UBASH3B: variants seen among roughly 807,000 people sequenced by gnomAD.
The protein encoded by UBASH3B is ubiquitin associated and SH3 domain containing B.
In UBASH3B, 37 loss-of-function variants were observed where a neutral mutation model predicts 83.4. The observed-to-expected ratio is 0.44, with a 90% CI of 0.34 to 0.58. The LOEUF (loss-of-function observed/expected upper bound fraction) is 0.58, where lower values mean the gene tolerates loss of function less well. Ranked by LOEUF, UBASH3B falls within the 20% of genes least tolerant of loss-of-function variation. The probability of loss-of-function intolerance (pLI) is 0.01; values close to 1 mark genes in which losing one functional copy is unlikely to be tolerated. For missense variants in UBASH3B, 657 were observed against 827.2 expected, an observed-to-expected ratio of 0.79 and a Z score of 2.52; for synonymous variants, 304 against 318.3, an observed-to-expected ratio of 0.96 and a Z score of 0.48.
At chr11:122,677,609 A>G (rs1164930823) in intron 1 of UBASH3B, among the ~76,000 whole-genome samples, 4 of 152,292 alleles carry the variant, frequency 2.6e-5, no homozygotes, top group Middle Eastern at 3.4e-3. Flanking sequence ...AGCCCTTTGC[A>G]TGGTGCCTGG....
intron 1 of UBASH3B, among the ~76,000 whole-genome samples, chr11:122,656,979 C>T (rs1863373075): frequency 6.6e-6 from 1 of 152,114 alleles, no homozygotes; most frequent in African/African-American, 2.4e-5. Flanking sequence ...TGGGGAGAGG[C>T]CTGTTTGCCA....
chr11:122,721,733 C>T (rs1274733578), intron 1 of UBASH3B, among the ~76,000 whole-genome samples: 1 of 152,184 alleles, frequency 6.6e-6, no homozygotes, highest in South Asian at 2.1e-4. Context: ...TCCTTTTTAC[C>T]CTAGTGAGGT....
rs180732726 is a variant in UBASH3B, at chr11:122,762,072, G to A, written c.162-14147G>A. Among the ~76,000 whole-genome samples the A allele has an allele frequency of 5.0e-3, 761 of 152,070 alleles. 4 individuals are homozygous for A. Among genetic ancestry groups the A allele is most frequent in the Middle Eastern group, 0.01 (3 of 294 alleles). ...CTCCCAAAGTGTTGGGATTACAGGC[G>A]TGAGCCACCGCGCCTGGCCGGTTTT... is the stretch of plus-strand genomic sequence containing the variant. On this transcript the variant is annotated intron_variant, in intron 1 of 13. Coordinates refer to ENST00000284273, the MANE Select transcript of UBASH3B (RefSeq NM_032873.5).
intron 1 of UBASH3B, among the ~76,000 whole-genome samples, chr11:122,738,209 T>A (rs1489453783): frequency 6.6e-6 from 1 of 152,208 alleles, no homozygotes; most frequent in Non-Finnish European, 1.5e-5. Flanking sequence ...GCCTCATCCA[T>A]AAGTTGGAAC....
chr11:122,743,594 C>T (rs1410917464), intron 1 of UBASH3B, among the ~76,000 whole-genome samples: 1 of 152,118 alleles, frequency 6.6e-6, no homozygotes, highest in Non-Finnish European at 1.5e-5. Flanking sequence ...CTATTAGCCT[C>T]ATGAAGCTGT....
intron 1 of UBASH3B, among the ~76,000 whole-genome samples, chr11:122,751,942 A>G (rs1410223199): frequency 1.3e-5 from 2 of 152,226 alleles, no homozygotes; most frequent in Non-Finnish European, 2.9e-5. Context: ...AAGAGCCACA[A>G]GTAACTAAAA....
chr11:122,756,668 G>C (rs1257172937), intron 1 of UBASH3B, among the ~76,000 whole-genome samples: 1 of 152,178 alleles, frequency 6.6e-6, no homozygotes, highest in East Asian at 1.9e-4. Context: ...CCTCAGGCAA[G>C]GAGGGCTAAG....
chr11:122,763,786 A>T (rs1565556006), intron 1 of UBASH3B, among the ~76,000 whole-genome samples: 1 of 152,118 alleles, frequency 6.6e-6, no homozygotes, highest in East Asian at 1.9e-4. Context: ...CATTAGTTTC[A>T]TTTCCTCTAA....
chr11:122,771,117 G>C (rs1429447639), intron 1 of UBASH3B, among the ~76,000 whole-genome samples: 2 of 152,184 alleles, frequency 1.3e-5, no homozygotes, highest in East Asian at 3.8e-4. Context: ...TACCAAGCTT[G>C]GATTTTCCTG....
chr11:122,662,210 C>T (rs552481661), intron 1 of UBASH3B, among the ~76,000 whole-genome samples: 50 of 151,586 alleles, frequency 3.3e-4, no homozygotes, highest in East Asian at 5.9e-4. Context: ...CCCGGCCAGC[C>T]GATGTGCTTT....
chr11:122,688,982 G>GA, intron 1 of UBASH3B, among the ~76,000 whole-genome samples: 1 of 14,552 alleles, frequency 6.9e-5, no homozygotes, highest in African/African-American at 1.0e-4. Context: ...GGGAGGCGGG[G>GA]GGGGGGGGGG....
At chr11:122,799,418 C>T (rs916504918) in intron 10 of UBASH3B, among the ~76,000 whole-genome samples, 1 of 148,808 alleles carries the variant, frequency 6.7e-6, no homozygotes, top group Non-Finnish European at 1.5e-5. Context: ...ACCCGGGAGG[C>T]GGAGGTTGTG....
rs911012906 is a variant in UBASH3B, at chr11:122,809,972, C to T, written c.*86C>T. 2 of 1,469,490 alleles carry T rather than the reference C, an allele frequency of 1.4e-6. No homozygotes were observed. Among genetic ancestry groups the T allele is most frequent in the Admixed American group, 2.0e-5 (1 of 50,848 alleles). 91.0% of individuals were successfully genotyped at this position (1,469,490 alleles called of 1,614,324 possible). Reference sequence around the variant, plus strand: ...ACAGTGGGAAAATCCACACCACACTCTAAGTGGACAGCTCAGAATAATTTA... The same window carrying T: ...ACAGTGGGAAAATCCACACCACACTTTAAGTGGACAGCTCAGAATAATTTA... On this transcript the variant is annotated 3_prime_UTR_variant, in exon 14 of 14. Coordinates refer to ENST00000284273, the MANE Select transcript of UBASH3B (RefSeq NM_032873.5).
intron 3 of UBASH3B, among the ~76,000 whole-genome samples, chr11:122,778,722 A>G (rs866979339): frequency 3.3e-5 from 5 of 151,504 alleles, no homozygotes; most frequent in Admixed American, 1.3e-4. Flanking sequence ...CTCCTGCCTC[A>G]GCCTCCCAAG....
At chr11:122,699,328 G>T (rs1211397182) in intron 1 of UBASH3B, among the ~76,000 whole-genome samples, 1 of 152,166 alleles carries the variant, frequency 6.6e-6, no homozygotes, top group Non-Finnish European at 1.5e-5. Context: ...AGAGGAGTGT[G>T]GCACGTGGAG....
chr11:122,776,929 T>C (rs1400091200), intron 2 of UBASH3B, 95 bp from the exon 3 acceptor site: 3 of 1,225,542 alleles, frequency 2.4e-6, no homozygotes, highest in East Asian at 2.6e-5. Context: ...GTGCCGGGGA[T>C]TTGGAGCACA....
intron 4 of UBASH3B, 74 bp downstream of exon 4, chr11:122,779,769 AGT>A: frequency 6.4e-7 from 1 of 1,572,426 alleles, no homozygotes; most frequent in South Asian, 1.1e-5. Flanking sequence ...GATAGGAAAT[AGT>A]GGTAGAGGAG....
In UBASH3B at chr11:122,724,586, G is replaced by A. The variant is rs532888065; in HGVS notation, c.162-51633G>A. ...GACACAGAGGAGCGGCCAGCTGTGT[G>A]CCATGGATGGGCTGGGCCAGGCCTG... is the stretch of plus-strand genomic sequence containing the variant. On this transcript the variant is annotated intron_variant, in intron 1 of 13. Coordinates refer to ENST00000284273, the MANE Select transcript of UBASH3B (RefSeq NM_032873.5). Among the ~76,000 whole-genome samples, 15 of 140,366 alleles carry A rather than the reference G, an allele frequency of 1.1e-4. No homozygotes were observed. In the East Asian group the frequency reaches 2.7e-3, roughly 25 times the overall value. The allele number at this position is 140,366 out of a possible 152,430, so 92.1% of individuals were successfully genotyped here. A position where few individuals can be genotyped will look rare whatever the true frequency, so the allele number is the denominator to read the frequency against.
intron 1 of UBASH3B, among the ~76,000 whole-genome samples, chr11:122,682,288 G>A (rs545683250): frequency 6.1e-4 from 93 of 152,256 alleles, no homozygotes; most frequent in Non-Finnish European, 3.1e-4. Context: ...TCTGACCCAC[G>A]GCACCAAGCT....
Sources: gnomAD v4.1 joint callset for allele counts (sites outside exome capture counted in the v4.1 genomes callset) on GRCh38, gnomAD v4.1.1 for gene constraint, MANE v1.5 for transcripts, NCBI Gene and HGNC (gene_info 2026-07-23, HGNC 2026-07-21) for gene names.